NFATC3: variants seen among roughly 807,000 people sequenced by gnomAD.
NFATC3 encodes the protein nuclear factor of activated T cells 3.
A neutral mutation model predicts 98.6 loss-of-function variants in NFATC3; 46 were observed. The observed-to-expected ratio is 0.47, with a 90% CI of 0.37 to 0.60. The LOEUF (loss-of-function observed/expected upper bound fraction) is 0.60, where lower values mean the gene tolerates loss of function less well. Ranked by LOEUF, NFATC3 falls within the 20% of genes least tolerant of loss-of-function variation. The pLI is 0.00. For synonymous variants in NFATC3, 512 were observed against 472.2 expected (o/e 1.08, Z -1.09); for missense variants, 1,256 against 1,295.5 (o/e 0.97, Z 0.47).
At chr16:68,132,771 A>G (rs903522660) in intron 3 of NFATC3, among the ~76,000 whole-genome samples, 1 of 152,240 alleles carries the variant, frequency 6.6e-6, no homozygotes, top group Non-Finnish European at 1.5e-5. Flanking sequence ...AGGCACAGAA[A>G]GATAAATACT....
At chr16:68,222,781 C>T (rs1184070972) in intron 9 of NFATC3, among the ~76,000 whole-genome samples, 1 of 152,058 alleles carries the variant, frequency 6.6e-6, no homozygotes, top group Non-Finnish European at 1.5e-5. Flanking sequence ...AGTTCATAGC[C>T]TATTTGGGAG....
chr16:68,158,456 C>T lies in NFATC3; in HGVS notation c.1601+388C>T, dbSNP rs1387635472. On this transcript the variant is annotated intron_variant, in intron 4 of 9. Coordinates refer to ENST00000346183, the MANE Select transcript of NFATC3 (RefSeq NM_173165.3). ...CCAGGCATCCCACTTGACCCATTTCCAAATAAGATGAGGTGGCCAACTTCT... is the reference window on the plus strand; with the variant it reads ...CCAGGCATCCCACTTGACCCATTTCTAAATAAGATGAGGTGGCCAACTTCT... Among the ~76,000 whole-genome samples, 3 of 152,064 alleles carry T rather than the reference C, an allele frequency of 2.0e-5. No individual in the cohort carries two copies. In the East Asian group the frequency reaches 5.8e-4, roughly 29 times the overall value.
At chr16:68,152,592 C>G (rs2038397700) in intron 3 of NFATC3, among the ~76,000 whole-genome samples, 1 of 152,030 alleles carries the variant, frequency 6.6e-6, no homozygotes, top group African/African-American at 2.4e-5. Flanking sequence ...CTCACTGCAG[C>G]CTTGAACTGG....
chr16:68,183,834 T>G (rs1307759681), intron 8 of NFATC3, among the ~76,000 whole-genome samples: 1 of 151,646 alleles, frequency 6.6e-6, no homozygotes, highest in East Asian at 1.9e-4. Context: ...ATGGAAAAAC[T>G]TCATCTTTAC....
intron 9 of NFATC3, among the ~76,000 whole-genome samples, chr16:68,192,415 T>G (rs1654334905): frequency 1.3e-5 from 2 of 150,996 alleles, no homozygotes; most frequent in Non-Finnish European, 2.9e-5. Context: ...TAATATCTGT[T>G]GCTGAATACG....
chr16:68,177,143 G>C (rs1006893398), intron 6 of NFATC3, among the ~76,000 whole-genome samples: 1 of 151,606 alleles, frequency 6.6e-6, no homozygotes, highest in Non-Finnish European at 1.5e-5. Context: ...TGCCTCCCGG[G>C]TTCAAGTGAT....
At chr16:68,218,056 T>C (rs1032706323) in intron 9 of NFATC3, 4 of 1,059,890 alleles carry the variant, frequency 3.8e-6, no homozygotes, top group South Asian at 9.1e-5. Flanking sequence ...TTTTGGTTTT[T>C]CCCTTTTTTT....
intron 1 of NFATC3, among the ~76,000 whole-genome samples, chr16:68,087,313 A>T (rs970698932): frequency 3.3e-5 from 5 of 152,258 alleles, no homozygotes; most frequent in African/African-American, 1.2e-4. Flanking sequence ...TTGTGTGACT[A>T]CATAAGTAGG....
chr16:68,166,987 G>C lies in NFATC3; in HGVS notation c.1746G>C (p.Leu582=). 1 of 1,614,132 alleles carries C rather than the reference G, an allele frequency of 6.2e-7. No homozygotes were observed. Among genetic ancestry groups the C allele is most frequent in the Non-Finnish European group, 8.5e-7 (1 of 1,180,004 alleles). The change falls in exon 5 of 10, where the codon CTG becomes CTC. Residue 582 remains leucine, a synonymous_variant. Coordinates refer to ENST00000346183, the MANE Select transcript of NFATC3 (RefSeq NM_173165.3). ...IPQPSGKVLS[L]QIASIPVECS... ...AGCCCAGTGGAAAAGTCCTTTCTCT[G>C]CAGATAGCCTCTATACCCGTTGAGT...
intron 1 of NFATC3, among the ~76,000 whole-genome samples, chr16:68,093,909 A>G (rs2151445582): frequency 6.6e-6 from 1 of 152,308 alleles, no homozygotes; most frequent in East Asian, 1.9e-4. Flanking sequence ...GGCATATGGA[A>G]TCAAACATAT....
chr16:68,223,894 CAAA>C (rs1190287100), intron 9 of NFATC3, among the ~76,000 whole-genome samples: 9 of 58,312 alleles, frequency 1.5e-4, no homozygotes, highest in Admixed American at 1.9e-4. Context: ...GACTCCATCT[CAAA>C]AAAAAAAAAA....
Position 68,111,540 on chromosome 16 carries a change from G to A in NFATC3, c.104-10447G>A, listed in dbSNP as rs141100830. On this transcript the variant is annotated intron_variant, in intron 1 of 9. Coordinates refer to ENST00000346183, the MANE Select transcript of NFATC3 (RefSeq NM_173165.3). ...TCTTTGCATGTTAGATGGGTCTCTT[G>A]AATACAGCACACCAATGGTTCTTGT... Among the ~76,000 whole-genome samples the A allele has an allele frequency of 5.6e-3, 847 of 152,212 alleles. 5 individuals are homozygous for A. The highest frequency in any genetic ancestry group is 0.019 in the African/African-American group (808 of 41,532).
intron 1 of NFATC3, among the ~76,000 whole-genome samples, chr16:68,107,702 G>A (rs897847195): frequency 6.6e-5 from 10 of 151,974 alleles, no homozygotes; most frequent in African/African-American, 2.2e-4. Context: ...CAGCCTAGGC[G>A]ACAGAGTGAG....
chr16:68,085,555 T>C lies in NFATC3; in HGVS notation c.-127T>C. ...CGTCGCGGGCCCCGCCCGGAAAGTT[T>C]GCCGTGGAGTCGCGACCTCTTGGCC... On this transcript the variant is annotated 5_prime_UTR_variant, in exon 1 of 10. Transcript: ENST00000346183. The C allele has an allele frequency of 2.6e-6, 2 of 766,814 alleles. No homozygotes were observed. 47.5% of individuals were successfully genotyped at this position (766,814 alleles called of 1,614,324 possible).
At position 68,138,784 on chromosome 16, in the gene NFATC3, A is replaced by G. The variant is rs1318247073; in HGVS notation, c.1401+12174A>G. On this transcript the variant is annotated intron_variant, in intron 3 of 9. Transcript: ENST00000346183. ...GTATAATATAGAACTCTATACTTAA[A>G]TCTTTGGTGGTTAGTGTGCCTTCTA... is the stretch of plus-strand genomic sequence containing the variant. The G allele has an allele frequency of 1.6e-6, 2 of 1,267,136 alleles. 1 individual carries two copies. Among genetic ancestry groups the G allele is most frequent in the South Asian group, 2.6e-5 (2 of 77,450 alleles). 78.5% of individuals were successfully genotyped at this position (1,267,136 alleles called of 1,614,324 possible). A position where few individuals can be genotyped will look rare whatever the true frequency, so the allele number is the denominator to read the frequency against.
intron 9 of NFATC3, chr16:68,217,767 G>A: frequency 1.6e-6 from 2 of 1,231,644 alleles, no homozygotes; most frequent in Non-Finnish European, 2.0e-6. Context: ...CCGAGGAAGG[G>A]ATGGGAAAAA....
rs2040401114 is a variant in NFATC3, at chr16:68,190,805, G to A, written c.2136G>A (p.Leu712=). The A allele has an allele frequency of 6.2e-7, 1 of 1,611,704 alleles. No homozygotes were observed. Among genetic ancestry groups the A allele is most frequent in the Non-Finnish European group, 8.5e-7 (1 of 1,178,392 alleles). ...AAGAACACAGAGAAGAGATTGATTT[G>A]TCTTCAGTTCCATCTTTGCCTGTGC... ...MKQEHREEID[L]SSVPSLPVPH... Residue 712 remains leucine (L), a synonymous_variant, in exon 9 of 10, where the codon TTG becomes TTA. Transcript: ENST00000346183.
intron 3 of NFATC3, among the ~76,000 whole-genome samples, chr16:68,141,758 G>T (rs1278175169): frequency 6.6e-6 from 1 of 152,052 alleles, no homozygotes; most frequent in African/African-American, 2.4e-5. Flanking sequence ...CATTCTGTGG[G>T]TTGTCTGTTT....
chr16:68,209,448 C>T (rs1251365333), intron 9 of NFATC3: 3 of 185,282 alleles, frequency 1.6e-5, no homozygotes, highest in South Asian at 9.3e-5. Context: ...CAGCTTCACC[C>T]GTAGACCACC....
Sources: allele counts gnomAD v4.1 joint callset (sites outside exome capture counted in the v4.1 genomes callset), GRCh38; gene constraint gnomAD v4.1.1; transcripts MANE v1.5; gene names NCBI Gene and HGNC (gene_info 2026-07-23, HGNC 2026-07-21).